The following FGGY variants were observed in gnomAD, a reference collection of about 807,000 sequenced individuals.
FGGY encodes the protein FGGY carbohydrate kinase domain containing.
FGGY carries 72 observed loss-of-function variants against 71.3 expected under a neutral mutation model. The observed-to-expected ratio is 1.01, with a 90% CI of 0.84 to 1.23. The LOEUF (loss-of-function observed/expected upper bound fraction) is 1.23, where lower values mean the gene tolerates loss of function less well. Among genes scored for constraint, FGGY ranks in the 50% most tolerant of loss-of-function variants. The pLI, the probability that FGGY is intolerant of heterozygous loss-of-function variation, is 0.00. For missense variants in FGGY, 668 were observed against 682.3 expected (o/e 0.98, Z 0.23); for synonymous variants, 251 against 250.3 (o/e 1.00, Z -0.02).
intron 5 of FGGY, among the ~76,000 whole-genome samples, chr1:59,406,275 G>A (rs563869217): frequency 8.6e-5 from 13 of 151,982 alleles, no homozygotes; most frequent in African/African-American, 2.4e-4. Flanking sequence ...GTTCCTAGCC[G>A]ATGGCAAATA....
intron 11 of FGGY, among the ~76,000 whole-genome samples, chr1:59,645,127 C>T (rs959703920): frequency 2.6e-5 from 4 of 152,160 alleles, no homozygotes; most frequent in African/African-American, 9.7e-5. Flanking sequence ...GTTTTGAAAT[C>T]GGACTTATGT....
At chr1:59,657,017 T>C (rs911076698) in intron 11 of FGGY, among the ~76,000 whole-genome samples, 5 of 152,242 alleles carry the variant, frequency 3.3e-5, no homozygotes, top group African/African-American at 1.2e-4. Context: ...TCTTTTTGCA[T>C]GAATACCAAT....
intron 4 of FGGY, among the ~76,000 whole-genome samples, chr1:59,372,429 C>T (rs2057832293): frequency 6.6e-6 from 1 of 152,106 alleles, no homozygotes; most frequent in Non-Finnish European, 1.5e-5. Flanking sequence ...AGCTTACCAA[C>T]CAAAAAGAGT....
chr1:59,478,769 G>A (rs999157451), intron 6 of FGGY, among the ~76,000 whole-genome samples: 91 of 152,292 alleles, frequency 6.0e-4, no homozygotes, highest in African/African-American at 2.2e-3. Context: ...ACTCTAGAGG[G>A]AGAAGAGAAA....
At chr1:59,549,455 T>G (rs570609382) in intron 7 of FGGY, among the ~76,000 whole-genome samples, 1 of 152,302 alleles carries the variant, frequency 6.6e-6, no homozygotes, top group South Asian at 2.1e-4. Context: ...CCTAGTTGAG[T>G]CCAACTTCTA....
intron 11 of FGGY, among the ~76,000 whole-genome samples, chr1:59,646,375 T>A (rs2097094237): frequency 6.6e-6 from 1 of 151,944 alleles, no homozygotes; most frequent in Non-Finnish European, 1.5e-5. Context: ...AAGCTTAATA[T>A]CCTCAGTGTC....
At chr1:59,690,044 C>T (rs2097577147) in intron 14 of FGGY, among the ~76,000 whole-genome samples, 2 of 152,320 alleles carry the variant, frequency 1.3e-5, no homozygotes, top group South Asian at 4.1e-4. Context: ...AATTGGACTA[C>T]AGCAGTTGTC....
chr1:59,437,813 G>A (rs145354654), intron 5 of FGGY, among the ~76,000 whole-genome samples: 1 of 152,194 alleles, frequency 6.6e-6, no homozygotes, highest in Non-Finnish European at 1.5e-5. Context: ...GGAACTAACT[G>A]TTTTGAGGGA....
chr1:59,455,635 A>G (rs1395613397), intron 5 of FGGY, among the ~76,000 whole-genome samples: 1 of 152,234 alleles, frequency 6.6e-6, no homozygotes, highest in African/African-American at 2.4e-5. Context: ...CCTGGGTACA[A>G]TATGGAGAAC....
chr1:59,353,942 G>C (rs888017903), intron 4 of FGGY, among the ~76,000 whole-genome samples: 1 of 152,098 alleles, frequency 6.6e-6, no homozygotes, highest in Non-Finnish European at 1.5e-5. Flanking sequence ...CAAGCAGTAA[G>C]AGCAGAACAA....
chr1:59,519,828 T>C (rs1036722086), intron 7 of FGGY, among the ~76,000 whole-genome samples: 1 of 152,378 alleles, frequency 6.6e-6, no homozygotes, highest in African/African-American at 2.4e-5. Flanking sequence ...GTTTCCACAA[T>C]CACATAACTA....
rs891964083 is a variant in FGGY, at chr1:59,687,499, C to T, written c.1512+13366C>T. ...TTTTTTTTTTTGAGACACAGTCTCACTCTGTCGCCCAGGCTGGAGTGCAGT... is the reference window on the plus strand; with the variant it reads ...TTTTTTTTTTTGAGACACAGTCTCATTCTGTCGCCCAGGCTGGAGTGCAGT... On this transcript the variant is annotated intron_variant, in intron 14 of 15. Coordinates refer to ENST00000303721, the MANE Select transcript of FGGY (RefSeq NM_018291.5). 3.3e-5 allele frequency among the ~76,000 whole-genome samples: 5 copies of T among 151,904 alleles called. No homozygotes were observed. In the East Asian group the frequency reaches 9.7e-4, roughly 29 times the overall value.
chr1:59,319,675 A>G (rs1316133754), intron 1 of FGGY, among the ~76,000 whole-genome samples: 2 of 152,180 alleles, frequency 1.3e-5, no homozygotes, highest in African/African-American at 2.4e-5. Flanking sequence ...GCTGGGGGCA[A>G]TTGAGAGCTT....
intron 11 of FGGY, among the ~76,000 whole-genome samples, chr1:59,659,087 A>G (rs1436471254): frequency 2.0e-5 from 3 of 152,190 alleles, no homozygotes; most frequent in South Asian, 2.1e-4. Context: ...CTGTAATTCC[A>G]GCTACTGGGG....
chr1:59,690,042 T>C (rs2097577097), intron 14 of FGGY, among the ~76,000 whole-genome samples: 1 of 152,214 alleles, frequency 6.6e-6, no homozygotes, highest in Admixed American at 6.5e-5. Context: ...ATAATTGGAC[T>C]ACAGCAGTTG....
At position 59,550,233 on chromosome 1, in the gene FGGY, C is replaced by T. The variant is rs1037634228; in HGVS notation, c.800-3891C>T. 1.1e-4 allele frequency among the ~76,000 whole-genome samples: 17 copies of T among 152,086 alleles called. 1 individual carries two copies. The highest frequency in any genetic ancestry group is 8.5e-4 in the Admixed American group (13 of 15,272). Reference sequence around the variant, plus strand: ...GGGCTGCACTTGTGTCAAATTGTTTCCTGATGTACACATGCAGCCTGTGAG... The same window carrying T: ...GGGCTGCACTTGTGTCAAATTGTTTTCTGATGTACACATGCAGCCTGTGAG... On this transcript the variant is annotated intron_variant, in intron 7 of 15. Transcript: ENST00000303721.
intron 6 of FGGY, among the ~76,000 whole-genome samples, chr1:59,466,730 A>G (rs1424923450): frequency 2.0e-5 from 3 of 152,248 alleles, no homozygotes; most frequent in Non-Finnish European, 4.4e-5. Context: ...GAAGACATTT[A>G]TGCAGCCAAC....
intron 5 of FGGY, among the ~76,000 whole-genome samples, chr1:59,452,135 A>G (rs2072894555): frequency 6.7e-6 from 1 of 148,546 alleles, no homozygotes; most frequent in African/African-American, 2.5e-5. Context: ...TCTGTTCTGG[A>G]ATTTCTGTTA....
At chr1:59,560,406 T>G (rs928247043) in intron 8 of FGGY, among the ~76,000 whole-genome samples, 14 of 152,124 alleles carry the variant, frequency 9.2e-5, no homozygotes, top group African/African-American at 3.1e-4. Context: ...AGAAAGAACA[T>G]TAGGTAAAAT....
Sources: gnomAD v4.1 joint callset for allele counts (sites outside exome capture counted in the v4.1 genomes callset) on GRCh38, gnomAD v4.1.1 for gene constraint, MANE v1.5 for transcripts, NCBI Gene and HGNC (gene_info 2026-07-23, HGNC 2026-07-21) for gene names.